COL25A1: variants seen among roughly 807,000 people sequenced by gnomAD.
COL25A1 encodes the protein collagen alpha-1(XXV) chain.
Under a neutral mutation model 128.4 loss-of-function variants are expected in COL25A1, and 103 were observed. The ratio of observed to expected loss-of-function variants is 0.80; its 90% confidence interval spans 0.68 to 0.94. COL25A1 has a LOEUF of 0.94. Ranked by LOEUF, COL25A1 falls within the 40% of genes least tolerant of loss-of-function variation. The probability of loss-of-function intolerance (pLI) is 0.00; values close to 1 mark genes in which losing one functional copy is unlikely to be tolerated. For synonymous variants in COL25A1, 279 were observed against 277.2 expected, an observed-to-expected ratio of 1.01 and a Z score of -0.06; for missense variants, 745 against 840.0, an observed-to-expected ratio of 0.89 and a Z score of 1.40.
chr4:108,893,563 A>G (rs1352270794), intron 16 of COL25A1, among the ~76,000 whole-genome samples: 1 of 152,112 alleles, frequency 6.6e-6, no homozygotes. Flanking sequence ...GTTCCACAGT[A>G]TTTCCAGATG....
intron 30 of COL25A1, among the ~76,000 whole-genome samples, chr4:108,842,808 G>T (rs1052703660): frequency 2.3e-4 from 35 of 152,154 alleles, no homozygotes; most frequent in Admixed American, 1.8e-3. Context: ...AAAGCCAAAA[G>T]TATGCCATTT....
At chr4:109,117,328 C>T (rs1767693655) in intron 3 of COL25A1, among the ~76,000 whole-genome samples, 1 of 151,776 alleles carries the variant, frequency 6.6e-6, no homozygotes, top group South Asian at 2.1e-4. Flanking sequence ...TTCTCAGAAC[C>T]CATGTAAACG....
intron 10 of COL25A1, among the ~76,000 whole-genome samples, chr4:108,938,622 C>A (rs565640204): frequency 6.6e-6 from 1 of 152,052 alleles, no homozygotes; most frequent in South Asian, 2.1e-4. Flanking sequence ...TTTGGGAGGC[C>A]GAGGTGGGCA....
At chr4:109,131,535 G>C (rs1769200713) in intron 3 of COL25A1, among the ~76,000 whole-genome samples, 1 of 152,176 alleles carries the variant, frequency 6.6e-6, no homozygotes, top group Non-Finnish European at 1.5e-5. Context: ...TATTCAGTGG[G>C]AATATACAAG....
chr4:109,218,085 T>C (rs1366277039), intron 3 of COL25A1, among the ~76,000 whole-genome samples: 1 of 152,200 alleles, frequency 6.6e-6, no homozygotes. Context: ...TTAATGGAGA[T>C]ATGTGTTTTT....
At chr4:109,159,948 A>T (rs1387119882) in intron 3 of COL25A1, among the ~76,000 whole-genome samples, 1 of 152,240 alleles carries the variant, frequency 6.6e-6, no homozygotes, top group Non-Finnish European at 1.5e-5. Context: ...TGAGGTAGGA[A>T]ATAAAATTGA....
intron 3 of COL25A1, among the ~76,000 whole-genome samples, chr4:109,260,241 G>T (rs1781350569): frequency 6.6e-6 from 1 of 152,166 alleles, no homozygotes. Flanking sequence ...AGCAAGAGAA[G>T]AAGTATTCTC....
At chr4:109,222,480 C>T (rs1778498881) in intron 3 of COL25A1, among the ~76,000 whole-genome samples, 1 of 151,856 alleles carries the variant, frequency 6.6e-6, no homozygotes, top group Admixed American at 6.6e-5. Flanking sequence ...TCTTTTAGGC[C>T]CCTGGTAAGT....
chr4:109,177,323 T>G (rs567478570), intron 3 of COL25A1, among the ~76,000 whole-genome samples: 1 of 152,168 alleles, frequency 6.6e-6, no homozygotes, highest in Non-Finnish European at 1.5e-5. Context: ...TAAAACGTAG[T>G]GTAAACAAAA....
intron 6 of COL25A1, among the ~76,000 whole-genome samples, chr4:108,977,002 C>A (rs943276276): frequency 1.3e-5 from 2 of 152,164 alleles, no homozygotes; most frequent in Non-Finnish European, 2.9e-5. Context: ...TGTTAGGCTT[C>A]TTGTGAGTTA....
chr4:109,301,176 C>G (rs970164786), intron 2 of COL25A1, among the ~76,000 whole-genome samples: 2 of 151,976 alleles, frequency 1.3e-5, no homozygotes, highest in Non-Finnish European at 2.9e-5. Flanking sequence ...CATAAATACC[C>G]CGGCACTGCA....
At chr4:109,073,457 A>G (rs1331641058) in intron 3 of COL25A1, among the ~76,000 whole-genome samples, 1 of 152,194 alleles carries the variant, frequency 6.6e-6, no homozygotes, top group African/African-American at 2.4e-5. Context: ...GTATTTACTC[A>G]AAAATAATAA....
At chr4:108,902,043 C>T (rs527884407) in intron 13 of COL25A1, among the ~76,000 whole-genome samples, 2 of 152,120 alleles carry the variant, frequency 1.3e-5, no homozygotes, top group South Asian at 4.1e-4. Context: ...CAACTTTCTT[C>T]TTTCCATTGA....
At chr4:108,973,989 G>A (rs1578944545) in intron 8 of COL25A1, among the ~76,000 whole-genome samples, 1 of 152,194 alleles carries the variant, frequency 6.6e-6, no homozygotes, top group Non-Finnish European at 1.5e-5. Context: ...TAGCACGTAA[G>A]GTTTAACTGC....
rs1737339956 is a variant in COL25A1, at chr4:108,862,372, T to C, written c.1197+129A>G. On this transcript the variant is annotated intron_variant, in intron 22 of 37. Coordinates refer to ENST00000399132, the MANE Select transcript of COL25A1 (RefSeq NM_198721.4). ...AGGGATACTGCAATCCCTTTTGCAA[T>C]AAGTATTGCAGTTCCACTGTGTGAA... is the stretch of plus-strand genomic sequence containing the variant. 7 of 720,152 alleles carry C rather than the reference T, an allele frequency of 9.7e-6. No individual in the cohort carries two copies. In the South Asian group the frequency reaches 1.2e-4, roughly 12 times the overall value. The allele number at this position is 720,152 out of a possible 1,614,324, so 44.6% of individuals were successfully genotyped here. A position where few individuals can be genotyped will look rare whatever the true frequency, so the allele number is the denominator to read the frequency against.
chr4:108,947,172 G>C (rs570344746), intron 8 of COL25A1, among the ~76,000 whole-genome samples: 1 of 152,034 alleles, frequency 6.6e-6, no homozygotes, highest in African/African-American at 2.4e-5. Flanking sequence ...GGCTGGGCGC[G>C]GTGGCTCATG....
chr4:109,256,518 G>A (rs907924191), intron 3 of COL25A1, among the ~76,000 whole-genome samples: 1 of 152,098 alleles, frequency 6.6e-6, no homozygotes, highest in Admixed American at 6.6e-5. Flanking sequence ...TAAAAAATAA[G>A]AGTAGAAAAA....
chr4:108,852,583 G>A (rs1451257974), intron 25 of COL25A1, among the ~76,000 whole-genome samples: 2 of 152,084 alleles, frequency 1.3e-5, no homozygotes, highest in Non-Finnish European at 2.9e-5. Context: ...ATTAGCATAC[G>A]AATATTAGCT....
At chr4:109,056,381 C>T (rs1761445963) in intron 3 of COL25A1, among the ~76,000 whole-genome samples, 1 of 152,046 alleles carries the variant, frequency 6.6e-6, no homozygotes, top group East Asian at 1.9e-4. Flanking sequence ...TGAATATTTA[C>T]AATATACTGT....
Sources: allele counts gnomAD v4.1 joint callset (sites outside exome capture counted in the v4.1 genomes callset), GRCh38; gene constraint gnomAD v4.1.1; transcripts MANE v1.5; gene names NCBI Gene and HGNC (gene_info 2026-07-23, HGNC 2026-07-21).